The following DNAH6 variants were observed in gnomAD, a reference collection of about 807,000 sequenced individuals.
DNAH6 encodes the protein dynein axonemal heavy chain 6, also known as axonemal beta dynein heavy chain 6.
In DNAH6, 340 loss-of-function variants were observed where a neutral mutation model predicts 491.4. The ratio of observed to expected loss-of-function variants is 0.69; its 90% CI spans 0.63 to 0.76. The LOEUF is 0.76. Ranked by LOEUF, DNAH6 falls within the 30% of genes least tolerant of loss-of-function variation. The pLI, the probability that DNAH6 is intolerant of heterozygous loss-of-function variation, is 0.00. For synonymous variants in DNAH6, 1,603 were observed against 1,686.1 expected (o/e 0.95, Z 1.21); for missense variants, 4,443 against 4,972.2 (o/e 0.89, Z 3.20).
In DNAH6 at chr2:84,669,327, C is replaced by T. The variant is rs1378923301; in HGVS notation, c.6123C>T (p.Asp2041=). 2.7e-5 allele frequency: 42 copies of T among 1,549,992 alleles called. No homozygotes were observed. Among genetic ancestry groups the T allele is most frequent in the Non-Finnish European group, 3.7e-5 (42 of 1,145,570 alleles). ...GTGATCTGTGGAGCATTCATATGGACTTTGACACCAAACGGCTGGATCCCT... is the reference window on the plus strand; with the variant it reads ...GTGATCTGTGGAGCATTCATATGGATTTTGACACCAAACGGCTGGATCCCT... The part of the protein sequence containing the change: ...NSGDLWSIHM[D]FDTKRLDPWE... Residue 2041 remains aspartate (D), a synonymous_variant, in exon 38 of 77, where the codon GAC becomes GAT. Coordinates refer to ENST00000389394, the MANE Select transcript of DNAH6 (RefSeq NM_001370.2).
chr2:84,585,517 A>G (rs1683446298), intron 15 of DNAH6, among the ~76,000 whole-genome samples: 1 of 152,132 alleles, frequency 6.6e-6, no homozygotes, highest in South Asian at 2.1e-4. Flanking sequence ...TTGAGTGTTC[A>G]GCTCTCAGCA....
intron 71 of DNAH6, among the ~76,000 whole-genome samples, chr2:84,806,358 G>T (rs561920324): frequency 6.6e-6 from 1 of 152,294 alleles, no homozygotes; most frequent in South Asian, 2.1e-4. Flanking sequence ...AGTGGCTGAT[G>T]CCTGTAATCC....
At chr2:84,770,540 G>A (rs1259842461) in intron 64 of DNAH6, among the ~76,000 whole-genome samples, 1 of 151,996 alleles carries the variant, frequency 6.6e-6, no homozygotes, top group Non-Finnish European at 1.5e-5. Flanking sequence ...GAAACAAGTA[G>A]AACTTTTGGA....
intron 60 of DNAH6, among the ~76,000 whole-genome samples, chr2:84,724,056 C>A (rs913748606): frequency 1.3e-5 from 2 of 152,212 alleles, no homozygotes; most frequent in African/African-American, 2.4e-5. Context: ...CCATCAGCTC[C>A]TACTTCCTGT....
At chr2:84,563,054 C>T (rs1388426689) in intron 11 of DNAH6, among the ~76,000 whole-genome samples, 1 of 152,078 alleles carries the variant, frequency 6.6e-6, no homozygotes, top group Non-Finnish European at 1.5e-5. Flanking sequence ...GGGCAGTTCC[C>T]CCGCACATGA....
At chr2:84,678,440 T>C (rs1238369130) in intron 41 of DNAH6, among the ~76,000 whole-genome samples, 1 of 152,186 alleles carries the variant, frequency 6.6e-6, no homozygotes, top group African/African-American at 2.4e-5. Context: ...CACTGTGATG[T>C]GGTGAGTGGT....
At chr2:84,657,170 A>G (rs576662996) in intron 35 of DNAH6, among the ~76,000 whole-genome samples, 4 of 152,102 alleles carry the variant, frequency 2.6e-5, no homozygotes, top group South Asian at 4.1e-4. Context: ...TGTGCTCTCC[A>G]TTCTGTTCCA....
chr2:84,461,011 T>G, the DNAH6 span, among the ~76,000 whole-genome samples: 1 of 152,128 alleles, frequency 6.6e-6, no homozygotes, highest in African/African-American at 2.4e-5. Context: ...TCCCCAGGCC[T>G]CCACAAACAA....
rs114337847 is a variant in DNAH6 at position 84,678,666 on chromosome 2, G to A, written c.6744+1530G>A. Among the ~76,000 whole-genome samples the A allele has an allele frequency of 2.4e-3, 370 of 152,220 alleles. 2 individuals carry two copies. Among genetic ancestry groups the A allele is most frequent in the African/African-American group, 8.8e-3 (364 of 41,534 alleles). ...TGGTCCCCAACTCTCAACCTCCTGT[G>A]GGATTATCATGTCCATGGAAATGTG... On this transcript the variant is annotated intron_variant, in intron 41 of 76. Transcript: ENST00000389394.
chr2:84,492,127 A>T, the DNAH6 span, among the ~76,000 whole-genome samples: 2,228 of 152,342 alleles, frequency 0.015, 25 homozygotes, highest in Non-Finnish European at 0.022. Flanking sequence ...GTCTAAAGAA[A>T]ATTGTAATGA....
intron 62 of DNAH6, among the ~76,000 whole-genome samples, chr2:84,741,270 T>C (rs923634850): frequency 9.9e-5 from 15 of 152,026 alleles, no homozygotes; most frequent in African/African-American, 3.4e-4. Context: ...CTCAAAATGG[T>C]GCCTTGGGCC....
chr2:84,800,603 A>G (rs1678791283), intron 70 of DNAH6, among the ~76,000 whole-genome samples: 1 of 152,162 alleles, frequency 6.6e-6, no homozygotes, highest in Non-Finnish European at 1.5e-5. Flanking sequence ...CGGGAGTATC[A>G]AAATGAAACT....
intron 76 of DNAH6, 115 bp downstream of exon 76, chr2:84,816,198 A>G (rs779323383): frequency 9.4e-6 from 7 of 741,624 alleles, no homozygotes; most frequent in Non-Finnish European, 1.5e-5. Context: ...AACTAGACTT[A>G]AAATGAAGCC....
At chr2:84,508,312 A>C in the DNAH6 span, among the ~76,000 whole-genome samples, 1 of 152,348 alleles carries the variant, frequency 6.6e-6, no homozygotes, top group Non-Finnish European at 1.5e-5. Context: ...GTATGTGTCG[A>C]GGAATTTATC....
intron 33 of DNAH6, among the ~76,000 whole-genome samples, chr2:84,646,602 T>G (rs1451557798): frequency 6.6e-6 from 1 of 152,222 alleles, no homozygotes; most frequent in East Asian, 1.9e-4. Context: ...GTAACCTTAT[T>G]GCTGCTATGG....
rs369526342 is a variant in DNAH6, at chr2:84,549,958, G to A, written c.1386G>A (p.Ser462=). The stretch of plus-strand genomic sequence containing the variant: ...TCTTAACGGTAAATGCTGTTAATTC[G>A]CTTTTGAACCATCTCACTGACAAGC... ...MHILTVNAVN[S]LLNHLTDKLK... is the part of the protein sequence containing the mutation. Residue 462 remains serine, a synonymous_variant, in exon 9 of 77, where the codon TCG becomes TCA. Transcript: ENST00000389394. The A allele has an allele frequency of 5.3e-5, 85 of 1,613,534 alleles. No homozygotes were observed. The highest frequency in any genetic ancestry group is 3.1e-4 in the South Asian group (28 of 91,054).
chr2:84,505,386 C>T, the DNAH6 span, among the ~76,000 whole-genome samples: 1 of 152,098 alleles, frequency 6.6e-6, no homozygotes, highest in Admixed American at 6.6e-5. Flanking sequence ...AGTACAATAT[C>T]AAATTGAAGT....
Position 84,682,738 on chromosome 2 carries a change from A to G in DNAH6, c.6916+1210A>G, listed in dbSNP as rs949008742. Among the ~76,000 whole-genome samples, 14 of 152,144 alleles carry G rather than the reference A, an allele frequency of 9.2e-5. 1 individual carries two copies. Among genetic ancestry groups the G allele is most frequent in the Admixed American group, 7.9e-4 (12 of 15,278 alleles). On this transcript the variant is annotated intron_variant, in intron 42 of 76. Coordinates refer to ENST00000389394, the MANE Select transcript of DNAH6 (RefSeq NM_001370.2). ...CCTGACAGCTTTATTTTCAGAATATATCCCGAATCTAACCACTCCTCACCA... is the reference window on the plus strand; with the variant it reads ...CCTGACAGCTTTATTTTCAGAATATGTCCCGAATCTAACCACTCCTCACCA...
chr2:84,652,509 T>C (rs532770954), intron 33 of DNAH6, among the ~76,000 whole-genome samples: 1 of 152,244 alleles, frequency 6.6e-6, no homozygotes. Context: ...GCTTTAAGTT[T>C]GTATATAAAG....
Sources: allele counts gnomAD v4.1 joint callset (sites outside exome capture counted in the v4.1 genomes callset), GRCh38; gene constraint gnomAD v4.1.1; transcripts MANE v1.5; gene names NCBI Gene and HGNC (gene_info 2026-07-23, HGNC 2026-07-21).